The following PDCD4 variants were observed in gnomAD, a reference collection of about 807,000 sequenced individuals.
PDCD4 encodes the protein programmed cell death protein 4.
In PDCD4, 56 loss-of-function variants were observed where a neutral mutation model predicts 54.0. The observed-to-expected ratio is 1.04, with a 90% CI of 0.84 to 1.30. The LOEUF is 1.30. Ranked by LOEUF, PDCD4 falls within the 50% of genes most tolerant of loss-of-function variation. PDCD4 has a pLI of 0.00. For synonymous variants in PDCD4, 186 were observed against 194.8 expected, an observed-to-expected ratio of 0.95 and a Z score of 0.37; for missense variants, 584 against 559.8, an observed-to-expected ratio of 1.04 and a Z score of -0.44.
In PDCD4 at chr10:110,881,224, C is replaced by G. The variant is rs759841207; in HGVS notation, c.44-9C>G. 1.3e-6 allele frequency: 2 copies of G among 1,588,776 alleles called. No homozygotes were observed. Among genetic ancestry groups the G allele is most frequent in the Non-Finnish European group, 1.7e-6 (2 of 1,168,240 alleles). On this transcript the variant is annotated splice_polypyrimidine_tract_variant and intron_variant, in intron 2 of 11. Coordinates refer to ENST00000280154, the MANE Select transcript of PDCD4 (RefSeq NM_014456.5). ...ACTTAGAATTTTTTTCTTCATTTTT[C>G]TCTTTAAGATCCTGATAACTTAAGT...
intron 5 of PDCD4, among the ~76,000 whole-genome samples, 158 bp downstream of exon 5, chr10:110,885,524 T>C (rs1410327622): frequency 1.3e-5 from 2 of 152,094 alleles, no homozygotes; most frequent in Non-Finnish European, 2.9e-5. Context: ...TCTCATTACA[T>C]TAAAACAGTT....
intron 4 of PDCD4, among the ~76,000 whole-genome samples, chr10:110,884,031 C>T (rs747500521): frequency 6.6e-5 from 10 of 152,158 alleles, no homozygotes; most frequent in Non-Finnish European, 1.0e-4. Context: ...TTTCACTTTC[C>T]GCAGTTTCAG....
At chr10:110,892,800 T>C (rs770031084) in intron 8 of PDCD4, among the ~76,000 whole-genome samples, 76 of 152,166 alleles carry the variant, frequency 5.0e-4, no homozygotes, top group Non-Finnish European at 9.9e-4. Context: ...GGTAATGTCT[T>C]AGGCCTTTAC....
chr10:110,878,526 G>A (rs1845541905), intron 2 of PDCD4, among the ~76,000 whole-genome samples: 1 of 152,082 alleles, frequency 6.6e-6, no homozygotes, highest in South Asian at 2.1e-4. Flanking sequence ...ACTCTTACAC[G>A]AAAATGTCAT....
Position 110,896,067 on chromosome 10 carries a change from C to T in PDCD4, c.1329C>T (p.Leu443=), listed in dbSNP as rs777158679. The change falls in exon 11 of 12, where the codon CTC becomes CTT. Residue 443 remains leucine, a synonymous_variant. Transcript: ENST00000280154. ...CFQAGIISKQ[L]RDLCPSRGRK... ...AGGCTGGAATAATTTCCAAACAACTCAGAGATCTTTGTCCTTCAAGGTACT... is the reference window on the plus strand; with the variant it reads ...AGGCTGGAATAATTTCCAAACAACTTAGAGATCTTTGTCCTTCAAGGTACT... The T allele has an allele frequency of 6.2e-7, 1 of 1,609,162 alleles. No homozygotes were observed. The highest frequency in any genetic ancestry group is 1.3e-5 in the African/African-American group (1 of 74,666).
At chr10:110,897,939 G>C (rs550492918) in intron 11 of PDCD4, 89 bp from the exon 12 acceptor site, 1 of 888,372 alleles carries the variant, frequency 1.1e-6, no homozygotes, top group Non-Finnish European at 1.6e-6. Context: ...AACACGTAAC[G>C]AAAAAATACC....
chr10:110,889,740 C>A, intron 7 of PDCD4, 110 bp downstream of exon 7: 1 of 692,610 alleles, frequency 1.4e-6, no homozygotes, highest in Non-Finnish European at 2.6e-6. Flanking sequence ...CTGTTTGTCA[C>A]TTCTCTATAT....
Position 110,898,105 on chromosome 10 carries a change from A to G in PDCD4, c.*17A>G, listed in dbSNP as rs1845875098. ...AGCTACTGAATATAAGAACTCTTGC[A>G]GTCTTAGATGTTATAAAAATATATA... On this transcript the variant is annotated 3_prime_UTR_variant, in exon 12 of 12. Coordinates refer to ENST00000280154, the MANE Select transcript of PDCD4 (RefSeq NM_014456.5). 1 of 1,478,010 alleles carries G rather than the reference A, an allele frequency of 6.8e-7. No individual in the cohort carries two copies. Among genetic ancestry groups the G allele is most frequent in the East Asian group, 2.3e-5 (1 of 42,978 alleles). The allele number at this position is 1,478,010 out of a possible 1,614,324, so 91.6% of individuals were successfully genotyped here.
intron 1 of PDCD4, among the ~76,000 whole-genome samples, chr10:110,872,948 A>G (rs559940564): frequency 1.3e-5 from 2 of 152,182 alleles, no homozygotes; most frequent in Non-Finnish European, 2.9e-5. Flanking sequence ...TGTAGTGTCT[A>G]CAAATGATGA....
chr10:110,876,834 T>C, intron 2 of PDCD4: 8 of 456,570 alleles, frequency 1.8e-5, no homozygotes, highest in Non-Finnish European at 4.0e-6. Flanking sequence ...TTGTGTAATA[T>C]CTGAATAGTG....
chr10:110,877,428 A>T (rs1016571816), intron 2 of PDCD4, among the ~76,000 whole-genome samples: 5 of 152,184 alleles, frequency 3.3e-5, no homozygotes, highest in Admixed American at 3.3e-4. Context: ...ATGAAGGTCA[A>T]CTATCTCAAT....
intron 4 of PDCD4, among the ~76,000 whole-genome samples, chr10:110,884,098 C>T (rs1845633523): frequency 1.3e-5 from 2 of 152,140 alleles, no homozygotes; most frequent in South Asian, 4.1e-4. Flanking sequence ...AGAAGTAATT[C>T]ATAAGTTTTA....
At chr10:110,897,700 G>A (rs1845863683) in intron 11 of PDCD4, among the ~76,000 whole-genome samples, 1 of 151,968 alleles carries the variant, frequency 6.6e-6, no homozygotes, top group South Asian at 2.1e-4. Flanking sequence ...TTACTGTTAA[G>A]CTTACAAATA....
At chr10:110,885,689 C>T (rs1225637151) in intron 5 of PDCD4, among the ~76,000 whole-genome samples, 2 of 151,432 alleles carry the variant, frequency 1.3e-5, no homozygotes, top group Non-Finnish European at 2.9e-5. Context: ...AGTTTGAGGG[C>T]ACTTCTAGAC....
At position 110,894,444 on chromosome 10, in the gene PDCD4, A is replaced by G. The variant is rs1347971720; in HGVS notation, c.1131A>G (p.Glu377=). 1.9e-6 allele frequency: 3 copies of G among 1,571,330 alleles called. No individual in the cohort carries two copies. The highest frequency in any genetic ancestry group is 2.6e-6 in the Non-Finnish European group (3 of 1,142,374). The change falls in exon 10 of 12, where the codon GAA becomes GAG. Residue 377 remains glutamate (E), a synonymous_variant. Transcript: ENST00000280154. ...AIIMVLESTG[E]STFKMILDLL... ...TAATGGTTTTAGAGTCAACTGGAGA[A>G]AGTACATTTAAGATGATTTTGGATT...
At chr10:110,886,711 C>G (rs1845674373) in intron 5 of PDCD4, among the ~76,000 whole-genome samples, 1 of 152,046 alleles carries the variant, frequency 6.6e-6, no homozygotes, top group African/African-American at 2.4e-5. Flanking sequence ...TAATTTAATA[C>G]TCAAAGGGCT....
At position 110,890,589 on chromosome 10, in the gene PDCD4, T is replaced by A; in HGVS notation, c.909T>A (p.Ser303Arg). ...TGGATAAGGCTACCGTGCTTCTGAG[T>A]ATGTCTAAAGGTGGAAAGCGTAAAG... ...AALDKATVLL[S>R]MSKGGKRKDS... The change falls in exon 8 of 12, where the codon AGT becomes AGA. Residue 303 changes from serine (S) to arginine (R), a missense_variant. Coordinates refer to ENST00000280154, the MANE Select transcript of PDCD4 (RefSeq NM_014456.5). 6.2e-7 allele frequency: 1 copy of A among 1,613,096 alleles called. No individual in the cohort carries two copies. Among genetic ancestry groups the A allele is most frequent in the Non-Finnish European group, 8.5e-7 (1 of 1,179,384 alleles).
intron 5 of PDCD4, 104 bp downstream of exon 5, chr10:110,885,470 T>G: frequency 3.8e-6 from 2 of 529,380 alleles, no homozygotes; most frequent in Non-Finnish European, 6.8e-6. Flanking sequence ...ATAAATTTAA[T>G]CATTTTCTTT....
At chr10:110,877,235 G>A (rs1845519400) in intron 2 of PDCD4, among the ~76,000 whole-genome samples, 1 of 152,124 alleles carries the variant, frequency 6.6e-6, no homozygotes, top group Non-Finnish European at 1.5e-5. Context: ...TTTACATATA[G>A]GTAATTGCTT....
Sources: gnomAD v4.1 joint callset for allele counts (sites outside exome capture counted in the v4.1 genomes callset) on GRCh38, gnomAD v4.1.1 for gene constraint, MANE v1.5 for transcripts, NCBI Gene and HGNC (gene_info 2026-07-23, HGNC 2026-07-21) for gene names.